GOLM2: variants seen among roughly 807,000 people sequenced by gnomAD.
The protein encoded by GOLM2 is golgi membrane protein 2, also known as protein GOLM2.
A neutral mutation model predicts 55.9 loss-of-function variants in GOLM2; 26 were observed. The ratio of observed to expected loss-of-function variants is 0.47; its 90% CI spans 0.34 to 0.65. GOLM2 has a LOEUF of 0.65. Ranked by LOEUF, GOLM2 falls within the 30% of genes least tolerant of loss-of-function variation. The pLI, the probability that GOLM2 is intolerant of heterozygous loss-of-function variation, is 0.01. For missense variants in GOLM2, 486 were observed against 531.8 expected, an observed-to-expected ratio of 0.91 and a Z score of 0.85; for synonymous variants, 165 against 194.6, an observed-to-expected ratio of 0.85 and a Z score of 1.27.
chr15:44,346,583 G>A lies in GOLM2; in HGVS notation c.802+8266G>A, dbSNP rs544783376. ...CTTAGTCAAACTAGCTACACTTAAA[G>A]TGCTTACTTAGTAGTTACCTGTGGC... On this transcript the variant is annotated intron_variant, in intron 6 of 9. Transcript: ENST00000299957. Among the ~76,000 whole-genome samples the A allele has an allele frequency of 1.2e-4, 18 of 152,276 alleles. 2 individuals carry two copies. Among genetic ancestry groups the A allele is most frequent in the African/African-American group, 4.3e-4 (18 of 41,560 alleles).
intron 8 of GOLM2, among the ~76,000 whole-genome samples, chr15:44,399,390 T>C (rs1201596000): frequency 6.6e-6 from 1 of 152,242 alleles, no homozygotes; most frequent in Non-Finnish European, 1.5e-5. Context: ...CCAAACGTGA[T>C]AATTCTGTAT....
At chr15:44,392,749 G>A (rs1355781978) in intron 8 of GOLM2, among the ~76,000 whole-genome samples, 1 of 152,070 alleles carries the variant, frequency 6.6e-6, no homozygotes. Flanking sequence ...TTTGAAAAGC[G>A]ATCTATGTAA....
At chr15:44,375,970 C>T (rs2079361817) in intron 6 of GOLM2, among the ~76,000 whole-genome samples, 1 of 152,170 alleles carries the variant, frequency 6.6e-6, no homozygotes, top group African/African-American at 2.4e-5. Context: ...GATGTGGTGG[C>T]TCACGCCTGT....
chr15:44,384,916 A>C (rs2079431613), intron 8 of GOLM2, among the ~76,000 whole-genome samples: 1 of 152,122 alleles, frequency 6.6e-6, no homozygotes, highest in Admixed American at 6.5e-5. Context: ...TTAAAAAAAA[A>C]AAAAAAAATC....
chr15:44,357,307 A>G (rs140179772), intron 6 of GOLM2, among the ~76,000 whole-genome samples: 104 of 152,346 alleles, frequency 6.8e-4, no homozygotes, highest in African/African-American at 2.5e-3. Flanking sequence ...AAAAAATCAC[A>G]TGATTATATC....
At chr15:44,374,412 G>A (rs2079350554) in intron 6 of GOLM2, among the ~76,000 whole-genome samples, 1 of 152,014 alleles carries the variant, frequency 6.6e-6, no homozygotes, top group African/African-American at 2.4e-5. Context: ...ACTTTCCAAG[G>A]TCAAGGTGGG....
chr15:44,344,008 A>G (rs1272755426), intron 6 of GOLM2, among the ~76,000 whole-genome samples: 1 of 150,742 alleles, frequency 6.6e-6, no homozygotes, highest in Non-Finnish European at 1.5e-5. Flanking sequence ...CTTAGCTGAG[A>G]TTACAGCTGG....
In GOLM2 at chr15:44,349,259, CAA is replaced by C. The variant is rs144376603; in HGVS notation, c.802+10958_802+10959del. On this transcript the variant is annotated intron_variant, in intron 6 of 9. Coordinates refer to ENST00000299957, the MANE Select transcript of GOLM2 (RefSeq NM_138423.4). ...GGGCAACAAGAGTGAAACTCCGTCT[CAA>C]AAAAAAAAAAAAAAACCACACAAAG... Among the ~76,000 whole-genome samples, 494 of 63,430 alleles carry C rather than the reference CAA, an allele frequency of 7.8e-3. 13 individuals are homozygous for C. The East Asian group carries it at 0.15, about 20-fold the overall frequency. 41.6% of individuals were successfully genotyped at this position (63,430 alleles called of 152,430 possible).
At chr15:44,359,299 A>G (rs1299287659) in intron 6 of GOLM2, among the ~76,000 whole-genome samples, 1 of 151,844 alleles carries the variant, frequency 6.6e-6, no homozygotes, top group Non-Finnish European at 1.5e-5. Flanking sequence ...AAAACTTAAC[A>G]ATTAGAGGCC....
chr15:44,309,485 A>G (rs2078859567), intron 1 of GOLM2, among the ~76,000 whole-genome samples: 1 of 152,222 alleles, frequency 6.6e-6, no homozygotes, highest in Non-Finnish European at 1.5e-5. Context: ...TTGAGAAAAA[A>G]GTAAATAAAA....
chr15:44,339,850 C>T (rs190457689), intron 6 of GOLM2, among the ~76,000 whole-genome samples: 2 of 152,086 alleles, frequency 1.3e-5, no homozygotes, highest in East Asian at 1.9e-4. Context: ...TATGGGATCT[C>T]GCTCTGTCAC....
At chr15:44,345,312 G>A (rs916445229) in intron 6 of GOLM2, among the ~76,000 whole-genome samples, 47 of 148,494 alleles carry the variant, frequency 3.2e-4, no homozygotes, top group African/African-American at 9.0e-4. Flanking sequence ...TCGCTGTGTC[G>A]CCCAGGCTGG....
intron 9 of GOLM2, chr15:44,409,756 A>T (rs1011509798): frequency 6.6e-6 from 1 of 151,140 alleles, no homozygotes; most frequent in African/African-American, 2.4e-5. Flanking sequence ...AAAAAAAAAA[A>T]AATACAAAAA....
At chr15:44,412,997 G>A (rs1338111057) in intron 9 of GOLM2, among the ~76,000 whole-genome samples, 2 of 149,386 alleles carry the variant, frequency 1.3e-5, no homozygotes, top group African/African-American at 2.5e-5. Context: ...AGTGAGAGTC[G>A]GTCTCAAAAA....
chr15:44,301,912 C>CAA (rs879475681), intron 1 of GOLM2, among the ~76,000 whole-genome samples: 16 of 111,010 alleles, frequency 1.4e-4, no homozygotes, highest in African/African-American at 2.3e-4. Flanking sequence ...GACCCTCTCT[C>CAA]AAAAAAAAAA....
chr15:44,347,703 A>G (rs939748063), intron 6 of GOLM2, among the ~76,000 whole-genome samples: 7 of 152,078 alleles, frequency 4.6e-5, no homozygotes, highest in Admixed American at 3.9e-4. Context: ...GGGGCACACA[A>G]CCTAGTGAGA....
At chr15:44,410,930 A>T (rs2079634145) in intron 9 of GOLM2, among the ~76,000 whole-genome samples, 1 of 150,550 alleles carries the variant, frequency 6.6e-6, no homozygotes, top group South Asian at 2.1e-4. Flanking sequence ...AAAAGGTGCA[A>T]AATGGTTACC....
chr15:44,373,737 C>A (rs951641343), intron 6 of GOLM2, among the ~76,000 whole-genome samples: 1 of 152,052 alleles, frequency 6.6e-6, no homozygotes, highest in African/African-American at 2.4e-5. Context: ...CTGGCTGACA[C>A]AGCAAGACTC....
chr15:44,330,558 C>G (rs1328441746), intron 3 of GOLM2, among the ~76,000 whole-genome samples: 2 of 148,908 alleles, frequency 1.3e-5, no homozygotes, highest in Admixed American at 6.7e-5. Flanking sequence ...ATAAAAATGT[C>G]TATGCAAAAA....
Sources: gnomAD v4.1 joint callset for allele counts (sites outside exome capture counted in the v4.1 genomes callset) on GRCh38, gnomAD v4.1.1 for gene constraint, MANE v1.5 for transcripts, NCBI Gene and HGNC (gene_info 2026-07-23, HGNC 2026-07-21) for gene names.